Variants in AGPS observed in about 807,000 individuals in gnomAD.
AGPS encodes the protein alkyldihydroxyacetonephosphate synthase, peroxisomal.
A neutral mutation model predicts 90.7 loss-of-function variants in AGPS; 26 were observed. The ratio of observed to expected loss-of-function variants is 0.29; its 90% CI spans 0.21 to 0.40. The LOEUF is 0.40. Ranked by LOEUF, AGPS falls within the 10% of genes least tolerant of loss-of-function variation. The pLI is 1.00. For synonymous variants in AGPS, 294 were observed against 285.3 expected, an observed-to-expected ratio of 1.03 and a Z score of -0.31; for missense variants, 540 against 816.1, an observed-to-expected ratio of 0.66 and a Z score of 4.12.
chr2:177,456,023 T>TA (rs1687099624), intron 8 of AGPS, among the ~76,000 whole-genome samples: 1 of 152,124 alleles, frequency 6.6e-6, no homozygotes, highest in South Asian at 2.1e-4. Context: ...GTTATTTTAT[T>TA]AAAAAAGAAA....
chr2:177,434,549 T>C (rs1458598973), intron 3 of AGPS, 132 bp downstream of exon 3: 2 of 709,366 alleles, frequency 2.8e-6, no homozygotes, highest in Non-Finnish European at 4.8e-6. Flanking sequence ...AGCCTATTAA[T>C]TATATTGGCC....
intron 16 of AGPS, among the ~76,000 whole-genome samples, chr2:177,513,082 AATC>A (rs1310489592): frequency 6.0e-5 from 3 of 49,938 alleles, no homozygotes; most frequent in East Asian, 3.2e-3. Flanking sequence ...TTATTAATTG[AATC>A]ATTATTATTA....
At chr2:177,507,192 TC>T (rs112318077) in intron 15 of AGPS, among the ~76,000 whole-genome samples, 7 of 152,096 alleles carry the variant, frequency 4.6e-5, no homozygotes, top group Non-Finnish European at 7.4e-5. Context: ...TTTGTTTTTT[TC>T]CCCAAACACA....
intron 13 of AGPS, among the ~76,000 whole-genome samples, chr2:177,499,380 T>C (rs952376543): frequency 2.0e-5 from 3 of 152,002 alleles, no homozygotes; most frequent in Middle Eastern, 3.4e-3. Flanking sequence ...TGATTAACAC[T>C]GTGGCATACT....
chr2:177,466,957 GC>G (rs1687473351), intron 9 of AGPS, among the ~76,000 whole-genome samples: 1 of 152,254 alleles, frequency 6.6e-6, no homozygotes, highest in Admixed American at 6.5e-5. Context: ...CCACAGCTGG[GC>G]TGCCACAGCT....
At chr2:177,394,517 A>C (rs1685114047) in intron 1 of AGPS, among the ~76,000 whole-genome samples, 1 of 152,204 alleles carries the variant, frequency 6.6e-6, no homozygotes, top group African/African-American at 2.4e-5. Flanking sequence ...CGAAGACTGG[A>C]GAGGTGAATC....
At chr2:177,497,604 T>C in intron 12 of AGPS, 85 bp from the exon 13 acceptor site, 2 of 663,958 alleles carry the variant, frequency 3.0e-6, no homozygotes, top group East Asian at 6.1e-5. Context: ...TTTTACTTTC[T>C]TTTAGGATTC....
chr2:177,504,699 T>C (rs1688660272), intron 14 of AGPS, among the ~76,000 whole-genome samples: 1 of 152,102 alleles, frequency 6.6e-6, no homozygotes, highest in South Asian at 2.1e-4. Context: ...AAGGTGTTAA[T>C]TGAGGTGATA....
chr2:177,422,403 T>G (rs1299067567), intron 2 of AGPS, among the ~76,000 whole-genome samples: 2 of 152,092 alleles, frequency 1.3e-5, no homozygotes, highest in African/African-American at 2.4e-5. Flanking sequence ...AATTTATCTG[T>G]TGGTTTTAAT....
intron 11 of AGPS, among the ~76,000 whole-genome samples, chr2:177,490,941 C>T (rs551910071): frequency 4.0e-4 from 59 of 146,638 alleles, no homozygotes; most frequent in African/African-American, 1.4e-3. Flanking sequence ...CTGCAACCTC[C>T]GCCTCCTAGG....
At chr2:177,479,944 G>A (rs1327939087) in intron 10 of AGPS, among the ~76,000 whole-genome samples, 4 of 152,340 alleles carry the variant, frequency 2.6e-5, no homozygotes, top group African/African-American at 9.6e-5. Flanking sequence ...ACTTTGGGAG[G>A]CCAAGGCGGG....
At chr2:177,443,386 G>A (rs1686671874) in intron 7 of AGPS, among the ~76,000 whole-genome samples, 1 of 152,018 alleles carries the variant, frequency 6.6e-6, no homozygotes, top group African/African-American at 2.4e-5. Context: ...GAATGTTATA[G>A]ACTTTTGAAG....
chr2:177,398,301 G>A (rs1685241159), intron 1 of AGPS, among the ~76,000 whole-genome samples: 1 of 152,200 alleles, frequency 6.6e-6, no homozygotes, highest in African/African-American at 2.4e-5. Context: ...AGGAATTCTA[G>A]TGATAGTAGT....
At chr2:177,433,872 T>C (rs1297353258) in intron 2 of AGPS, among the ~76,000 whole-genome samples, 1 of 152,040 alleles carries the variant, frequency 6.6e-6, no homozygotes, top group African/African-American at 2.4e-5. Context: ...AGCTGATAGA[T>C]TGGTTCCTCT....
intron 8 of AGPS, among the ~76,000 whole-genome samples, chr2:177,453,822 G>A (rs973494568): frequency 6.9e-6 from 1 of 144,684 alleles, no homozygotes; most frequent in African/African-American, 2.5e-5. Flanking sequence ...CAAGTAGCTG[G>A]GATTACAAGC....
intron 2 of AGPS, among the ~76,000 whole-genome samples, chr2:177,431,076 A>G (rs1222870528): frequency 1.3e-5 from 2 of 152,172 alleles, no homozygotes; most frequent in South Asian, 2.1e-4. Context: ...CAGTATTTCA[A>G]CATAGGTTCT....
At chr2:177,394,727 G>A (rs1224649048) in intron 1 of AGPS, among the ~76,000 whole-genome samples, 3 of 152,160 alleles carry the variant, frequency 2.0e-5, no homozygotes, top group African/African-American at 4.8e-5. Context: ...TTCAGTCACC[G>A]TCATTTGTAA....
rs561084709 is a variant in AGPS at position 177,413,011 on chromosome 2, C to T, written c.261-7258C>T. Among the ~76,000 whole-genome samples the T allele has an allele frequency of 3.3e-5, 5 of 152,152 alleles. No homozygotes were observed. In the South Asian group the frequency reaches 6.2e-4, roughly 19 times the overall value. On this transcript the variant is annotated intron_variant, in intron 1 of 19. Coordinates refer to ENST00000264167, the MANE Select transcript of AGPS (RefSeq NM_003659.4). The stretch of plus-strand genomic sequence containing the variant: ...GAAGTCAGCATCAGCGGCGGGTCTG[C>T]GATGGCGGCAAACAACAGTGGTGGA...
rs530379106 is a variant in AGPS at position 177,539,629 on chromosome 2, A to G, written c.*1434A>G. ...CCAAAGTATTTTTGGGCAGTTTGAT[A>G]CCTTTTATATCTGAAGTAGCCTTAA... On this transcript the variant is annotated 3_prime_UTR_variant, in exon 20 of 20. Coordinates refer to ENST00000264167, the MANE Select transcript of AGPS (RefSeq NM_003659.4). The G allele has an allele frequency of 1.1e-4, 16 of 152,158 alleles. No homozygotes were observed. The highest frequency in any genetic ancestry group is 3.8e-4 in the African/African-American group (16 of 41,564). 9.4% of individuals were successfully genotyped at this position (152,158 alleles called of 1,614,324 possible). A position where few individuals can be genotyped will look rare whatever the true frequency, so the allele number is the denominator to read the frequency against.
Sources: allele counts gnomAD v4.1 joint callset (sites outside exome capture counted in the v4.1 genomes callset), GRCh38; gene constraint gnomAD v4.1.1; transcripts MANE v1.5; gene names NCBI Gene and HGNC (gene_info 2026-07-23, HGNC 2026-07-21).